Variants in TJP1 observed in about 807,000 individuals in gnomAD.
TJP1 encodes tight junction protein 1, also known as tight junction protein ZO-1.
TJP1 carries 43 observed loss-of-function variants against 194.2 expected under a neutral mutation model. That is an observed-to-expected ratio of 0.22 (90% confidence interval 0.17 to 0.29). The LOEUF (loss-of-function observed/expected upper bound fraction) is 0.29, where lower values mean the gene tolerates loss of function less well. Ranked by LOEUF, TJP1 falls within the 10% of genes least tolerant of loss-of-function variation. The probability of loss-of-function intolerance (pLI) is 1.00; values close to 1 mark genes in which losing one functional copy is unlikely to be tolerated. For synonymous variants in TJP1, 801 were observed against 779.0 expected (o/e 1.03, Z -0.47); for missense variants, 1,971 against 2,185.7 (o/e 0.90, Z 1.96).
At chr15:29,948,118 A>C (rs1163689759) in intron 2 of TJP1, among the ~76,000 whole-genome samples, 1 of 152,152 alleles carries the variant, frequency 6.6e-6, no homozygotes, top group Admixed American at 6.5e-5. Flanking sequence ...GACAAGAATT[A>C]GCTGGGCATG....
chr15:29,787,058 C>T (rs2047743584), intron 2 of TJP1, among the ~76,000 whole-genome samples: 1 of 152,194 alleles, frequency 6.6e-6, no homozygotes, highest in Non-Finnish European at 1.5e-5. Flanking sequence ...TTTGCTTCAG[C>T]TTAAATACTT....
intron 8 of TJP1, chr15:29,743,082 G>A (rs938782888): frequency 3.0e-5 from 6 of 201,494 alleles, no homozygotes; most frequent in Admixed American, 5.9e-5. Context: ...AAATGGTGTC[G>A]GGACAACTGT....
intron 4 of TJP1, among the ~76,000 whole-genome samples, chr15:29,771,854 A>G (rs1158420402): frequency 6.6e-6 from 1 of 152,100 alleles, no homozygotes; most frequent in African/African-American, 2.4e-5. Context: ...TCCTTTTTCA[A>G]TTGAAAAAAA....
At chr15:29,796,615 T>G (rs2048429444) in intron 2 of TJP1, among the ~76,000 whole-genome samples, 1 of 152,094 alleles carries the variant, frequency 6.6e-6, no homozygotes, top group African/African-American at 2.4e-5. Flanking sequence ...TCAAATGCAA[T>G]CCCAATAAAA....
chr15:29,785,314 C>T (rs536684592), intron 2 of TJP1, among the ~76,000 whole-genome samples: 67 of 152,136 alleles, frequency 4.4e-4, no homozygotes, highest in Non-Finnish European at 7.9e-4. Context: ...GGAATTTTTT[C>T]AGTTATGTGT....
chr15:29,914,967 T>G (rs1405531464), intron 2 of TJP1, among the ~76,000 whole-genome samples: 17 of 152,134 alleles, frequency 1.1e-4, no homozygotes, highest in Admixed American at 9.2e-4. Flanking sequence ...ACTGTTTCAT[T>G]TGTACATATT....
chr15:29,926,056 C>T (rs1013417255), intron 2 of TJP1, among the ~76,000 whole-genome samples: 3 of 152,226 alleles, frequency 2.0e-5, no homozygotes, highest in South Asian at 2.1e-4. Context: ...GCTCACCATG[C>T]CAGGACCCAC....
At chr15:29,724,838 A>C (rs2043146469) in intron 18 of TJP1, among the ~76,000 whole-genome samples, 1 of 152,212 alleles carries the variant, frequency 6.6e-6, no homozygotes, top group South Asian at 2.1e-4. Flanking sequence ...TCACATAAAA[A>C]GCTAGAAAGT....
chr15:29,862,934 C>G lies in TJP1; in HGVS notation c.307-62232G>C, dbSNP rs796304878. Among the ~76,000 whole-genome samples, 19 of 151,056 alleles carry G rather than the reference C, an allele frequency of 1.3e-4. 1 individual carries two copies. The highest frequency in any genetic ancestry group is 4.6e-4 in the African/African-American group (19 of 41,338). On this transcript the variant is annotated intron_variant, in intron 2 of 28. Coordinates refer to the TJP1 transcript ENST00000356107. ...AAGTACTGGGATTACAGGCGTGAGCCACCGTGCCCAGCTGGGGATCGGTTT... is the reference window on the plus strand; with the variant it reads ...AAGTACTGGGATTACAGGCGTGAGCGACCGTGCCCAGCTGGGGATCGGTTT...
intron 2 of TJP1, among the ~76,000 whole-genome samples, chr15:29,907,979 A>G (rs1389821751): frequency 6.7e-6 from 1 of 149,722 alleles, no homozygotes; most frequent in Non-Finnish European, 1.5e-5. Flanking sequence ...GAAACTAAAA[A>G]TATGGACAGA....
intron 1 of TJP1, among the ~76,000 whole-genome samples, chr15:29,808,523 C>T (rs920793784): frequency 1.1e-4 from 17 of 152,244 alleles, no homozygotes; most frequent in Non-Finnish European, 2.2e-4. Context: ...CCTGACAGAA[C>T]TGTAAGTAAT....
intron 1 of TJP1, chr15:29,820,576 A>C: frequency 1.4e-6 from 1 of 716,764 alleles, no homozygotes; most frequent in Non-Finnish European, 2.6e-6. Context: ...ACTTGAAATA[A>C]CCTCTTAAAA....
chr15:29,796,861 T>C (rs1320607197), intron 2 of TJP1, among the ~76,000 whole-genome samples: 4 of 152,028 alleles, frequency 2.6e-5, no homozygotes. Context: ...TCCAGAAATA[T>C]ATGGTCAATT....
At chr15:29,838,371 G>A (rs980173208) in intron 2 of TJP1, among the ~76,000 whole-genome samples, 4 of 152,292 alleles carry the variant, frequency 2.6e-5, no homozygotes, top group Admixed American at 2.6e-4. Context: ...GTTGCAGTGA[G>A]CTGAGATTGC....
At chr15:29,761,911 G>T in intron 6 of TJP1, 142 bp from the exon 7 acceptor site, 1 of 778,922 alleles carries the variant, frequency 1.3e-6, no homozygotes, top group Non-Finnish European at 1.9e-6. Flanking sequence ...AACTGTCAAA[G>T]TATTCCACCT....
intron 23 of TJP1, among the ~76,000 whole-genome samples, chr15:29,713,124 G>A (rs2042342171): frequency 1.3e-5 from 2 of 152,166 alleles, no homozygotes; most frequent in Admixed American, 1.3e-4. Flanking sequence ...CTCACATTTA[G>A]TTCTTTAAAA....
intron 2 of TJP1, among the ~76,000 whole-genome samples, chr15:29,951,511 G>GA (rs1336746394): frequency 4.6e-5 from 7 of 150,712 alleles, no homozygotes; most frequent in South Asian, 2.1e-4. Context: ...TTTTCAAATC[G>GA]AAAAAAAATC....
At chr15:29,928,697 A>G (rs1793851861) in intron 2 of TJP1, among the ~76,000 whole-genome samples, 1 of 152,190 alleles carries the variant, frequency 6.6e-6, no homozygotes, top group Admixed American at 6.5e-5. Context: ...TAATCCCAGC[A>G]CTTTGGGAGG....
intron 15 of TJP1, chr15:29,730,647 A>G (rs2043577393): frequency 2.9e-6 from 2 of 683,930 alleles, no homozygotes; most frequent in East Asian, 3.0e-5. Flanking sequence ...CGACCCCCGG[A>G]CCGACCAAAG....
Sources: allele counts gnomAD v4.1 joint callset (sites outside exome capture counted in the v4.1 genomes callset), GRCh38; gene constraint gnomAD v4.1.1; transcripts MANE v1.5; gene names NCBI Gene and HGNC (gene_info 2026-07-23, HGNC 2026-07-21).